Variants in PTK2B observed in about 807,000 individuals in gnomAD.
The protein encoded by PTK2B is protein-tyrosine kinase 2-beta.
Under a neutral mutation model 142.9 loss-of-function variants are expected in PTK2B, and 71 were observed. The ratio of observed to expected loss-of-function variants is 0.50; its 90% CI spans 0.41 to 0.61. The LOEUF (loss-of-function observed/expected upper bound fraction) is 0.61. Ranked by LOEUF, PTK2B falls within the 20% of genes least tolerant of loss-of-function variation. The pLI, the probability that PTK2B is intolerant of heterozygous loss-of-function variation, is 0.00. For synonymous variants in PTK2B, 519 were observed against 503.4 expected, an observed-to-expected ratio of 1.03 and a Z score of -0.42; for missense variants, 1,105 against 1,320.4, an observed-to-expected ratio of 0.84 and a Z score of 2.53.
rs1810489762 is a variant in PTK2B, at chr8:27,432,370, C to G, written c.987+9C>G. 6.2e-7 allele frequency: 1 copy of G among 1,612,142 alleles called. No individual in the cohort carries two copies. Among genetic ancestry groups the G allele is most frequent in the Non-Finnish European group, 8.5e-7 (1 of 1,179,004 alleles). On this transcript the variant is annotated intron_variant, in intron 10 of 30. Coordinates refer to ENST00000346049, the MANE Select transcript of PTK2B (RefSeq NM_173176.3). ...TTGAAGGTGCCCCCCAGGTGAGTGTCTCTGGGCACTGGGCACCTGGCAGCT... is the reference window on the plus strand; with the variant it reads ...TTGAAGGTGCCCCCCAGGTGAGTGTGTCTGGGCACTGGGCACCTGGCAGCT...
At position 27,430,726 on chromosome 8, in the gene PTK2B, G is replaced by A. The variant is rs1262740250; in HGVS notation, c.670-150G>A. On this transcript the variant is annotated intron_variant, in intron 7 of 30. Transcript: ENST00000346049. ...GAGTCTCCCTTGAGACAATGGGTATGGGTTTTAGGTCATAGATCACAGCTG... is the reference window on the plus strand; with the variant it reads ...GAGTCTCCCTTGAGACAATGGGTATAGGTTTTAGGTCATAGATCACAGCTG... 3.4e-6 allele frequency: 4 copies of A among 1,183,872 alleles called. No homozygotes were observed. The African/African-American group carries it at 6.2e-5, about 18-fold the overall frequency. 73.3% of individuals were successfully genotyped at this position (1,183,872 alleles called of 1,614,324 possible).
At chr8:27,333,142 T>A (rs1486904874) in intron 1 of PTK2B, among the ~76,000 whole-genome samples, 1 of 152,148 alleles carries the variant, frequency 6.6e-6, no homozygotes, top group Non-Finnish European at 1.5e-5. Flanking sequence ...GAACTTGAGA[T>A]GGTGGCTGTA....
chr8:27,410,255 C>T (rs1490230197), intron 2 of PTK2B, among the ~76,000 whole-genome samples: 2 of 152,170 alleles, frequency 1.3e-5, no homozygotes, highest in East Asian at 1.9e-4. Flanking sequence ...GCTCCCAAGG[C>T]ACACAGCTAG....
chr8:27,403,349 C>G (rs1277127555), intron 2 of PTK2B, among the ~76,000 whole-genome samples: 1 of 145,798 alleles, frequency 6.9e-6, no homozygotes, highest in African/African-American at 2.8e-5. Flanking sequence ...CATAGTTACT[C>G]CATGCATATT....
chr8:27,340,950 A>G (rs1161989614), intron 1 of PTK2B, among the ~76,000 whole-genome samples: 3 of 152,242 alleles, frequency 2.0e-5, no homozygotes, highest in African/African-American at 7.2e-5. Flanking sequence ...CCAGGCGGGT[A>G]AGAACCAGCC....
Position 27,458,961 on chromosome 8 carries a change from A to C in PTK2B, c.*452A>C, listed in dbSNP as rs909349444. On this transcript the variant is annotated 3_prime_UTR_variant, in exon 31 of 31. Transcript: ENST00000346049. ...GGGGAGGAGCTTTGTTTTGGGGGTCAGGCAGCCAGTGAGATGAGGGATGGG... is the reference window on the plus strand; with the variant it reads ...GGGGAGGAGCTTTGTTTTGGGGGTCCGGCAGCCAGTGAGATGAGGGATGGG... 3.1e-6 allele frequency: 1 copy of C among 319,456 alleles called. No individual in the cohort carries two copies. The highest frequency in any genetic ancestry group is 5.9e-6 in the Non-Finnish European group (1 of 169,546). 19.8% of individuals were successfully genotyped at this position (319,456 alleles called of 1,614,324 possible).
intron 2 of PTK2B, among the ~76,000 whole-genome samples, chr8:27,417,890 A>G (rs1205233882): frequency 1.3e-5 from 2 of 152,148 alleles, no homozygotes; most frequent in Non-Finnish European, 2.9e-5. Flanking sequence ...CTTGGGAGTG[A>G]CGTGGGGGCT....
intron 1 of PTK2B, among the ~76,000 whole-genome samples, chr8:27,337,914 CTGTT>C (rs1804175188): frequency 6.6e-6 from 1 of 152,182 alleles, no homozygotes. Flanking sequence ...TGTGATAACT[CTGTT>C]TAACATTTTG....
upstream of PTK2B, among the ~76,000 whole-genome samples, chr8:27,321,901 C>T (rs111412522): frequency 3.3e-5 from 5 of 152,216 alleles, no homozygotes; most frequent in African/African-American, 1.2e-4. Flanking sequence ...TGGCCCACTT[C>T]GTAAACATAG....
intron 1 of PTK2B, among the ~76,000 whole-genome samples, chr8:27,383,910 G>A (rs1807186737): frequency 6.6e-6 from 1 of 150,584 alleles, no homozygotes; most frequent in African/African-American, 2.4e-5. Flanking sequence ...GTGCAATGGT[G>A]TGATCTCGGC....
chr8:27,415,520 G>A (rs1809347429), intron 2 of PTK2B, among the ~76,000 whole-genome samples: 1 of 152,216 alleles, frequency 6.6e-6, no homozygotes, highest in African/African-American at 2.4e-5. Flanking sequence ...TGCAAGCACT[G>A]GTGAGTGCCC....
In PTK2B at chr8:27,407,002, G is replaced by T. The variant is rs148609939; in HGVS notation, c.204+9214G>T. On this transcript the variant is annotated intron_variant, in intron 2 of 30. Transcript: ENST00000346049. ...GGTACTCTCCCAACTGATCTTTATT[G>T]TTCTTCATCCCTCCTCAATCTCAGC... is the stretch of plus-strand genomic sequence containing the variant. Among the ~76,000 whole-genome samples, 549 of 152,278 alleles carry T rather than the reference G, an allele frequency of 3.6e-3. 3 individuals carry two copies. The highest frequency in any genetic ancestry group is 0.012 in the African/African-American group (503 of 41,556).
At chr8:27,368,215 T>C (rs2130876296) in intron 1 of PTK2B, among the ~76,000 whole-genome samples, 1 of 152,320 alleles carries the variant, frequency 6.6e-6, no homozygotes, top group South Asian at 2.1e-4. Flanking sequence ...GGGGAACGGC[T>C]ATGTCCCCAA....
chr8:27,360,832 G>C (rs1805657046), intron 1 of PTK2B, among the ~76,000 whole-genome samples: 1 of 152,190 alleles, frequency 6.6e-6, no homozygotes, highest in African/African-American at 2.4e-5. Context: ...GTCTAGATGT[G>C]GGGATTTCTT....
At chr8:27,395,295 T>C (rs1807979190) in intron 1 of PTK2B, among the ~76,000 whole-genome samples, 1 of 152,202 alleles carries the variant, frequency 6.6e-6, no homozygotes, top group South Asian at 2.1e-4. Context: ...TTGCCACTGT[T>C]ATGATGTCAC....
intron 1 of PTK2B, among the ~76,000 whole-genome samples, chr8:27,356,760 C>A (rs1034288902): frequency 1.3e-5 from 2 of 152,206 alleles, no homozygotes; most frequent in African/African-American, 2.4e-5. Flanking sequence ...CGGGCAACGA[C>A]CTGGATGGAT....
Position 27,430,366 on chromosome 8 carries a change from AGGAAGT to A in PTK2B, c.620_625del (p.Glu207_Val208del). On this transcript the variant is annotated inframe_deletion, in exon 7 of 31. Coordinates refer to ENST00000346049, the MANE Select transcript of PTK2B (RefSeq NM_173176.3). ...TGCCTTTTTCTTCCTTCTTGCAGAA[AGGAAGT>A]GGGGCTGGACTTGTTTTTCCCAAAG... is the stretch of plus-strand genomic sequence containing the variant. The A allele has an allele frequency of 6.2e-7, 1 of 1,614,152 alleles. No homozygotes were observed. Among genetic ancestry groups the A allele is most frequent in the Non-Finnish European group, 8.5e-7 (1 of 1,180,030 alleles).
At chr8:27,379,691 G>A (rs544072302) in intron 1 of PTK2B, among the ~76,000 whole-genome samples, 5 of 152,106 alleles carry the variant, frequency 3.3e-5, no homozygotes, top group African/African-American at 1.2e-4. Context: ...TTTAGCACAT[G>A]CAAGTTAATT....
intron 1 of PTK2B, among the ~76,000 whole-genome samples, chr8:27,369,772 T>G (rs1586176247): frequency 6.7e-6 from 1 of 149,278 alleles, no homozygotes; most frequent in African/African-American, 2.5e-5. Flanking sequence ...GGCAGGAGTT[T>G]GAGACCAGCC....
Sources: allele counts gnomAD v4.1 joint callset (sites outside exome capture counted in the v4.1 genomes callset), GRCh38; gene constraint gnomAD v4.1.1; transcripts MANE v1.5; gene names NCBI Gene and HGNC (gene_info 2026-07-23, HGNC 2026-07-21).